ZNF429: variants seen among roughly 807,000 people sequenced by gnomAD.
ZNF429 encodes zinc finger protein 429.
A neutral mutation model predicts 56.8 loss-of-function variants in ZNF429; 53 were observed. The ratio of observed to expected loss-of-function variants is 0.93; its 90% CI spans 0.75 to 1.17. The LOEUF (loss-of-function observed/expected upper bound fraction) is 1.17. Ranked by LOEUF, ZNF429 falls within the 50% of genes most tolerant of loss-of-function variation. ZNF429 has a pLI of 0.00. For missense variants in ZNF429, 849 were observed against 788.4 expected, an observed-to-expected ratio of 1.08 and a Z score of -0.92; for synonymous variants, 278 against 264.7, an observed-to-expected ratio of 1.05 and a Z score of -0.49.
chr19:21,532,318 T>A, intron 3 of ZNF429, among the ~76,000 whole-genome samples: 4 of 151,806 alleles, frequency 2.6e-5, no homozygotes, highest in African/African-American at 9.7e-5. Context: ...GCCAAAGCAA[T>A]CTTGAGGAAA....
intron 1 of ZNF429, among the ~76,000 whole-genome samples, chr19:21,511,832 T>C (rs528163222): frequency 1.3e-5 from 2 of 152,172 alleles, no homozygotes; most frequent in Admixed American, 6.5e-5. Flanking sequence ...CCCGGCACCT[T>C]GGGAGGCTGA....
chr19:21,517,003 T>A (rs184622053), intron 1 of ZNF429, among the ~76,000 whole-genome samples: 72 of 139,802 alleles, frequency 5.2e-4, no homozygotes, highest in Middle Eastern at 3.6e-3. Flanking sequence ...GTGAGAGAAG[T>A]CATCCTTTTC....
intron 2 of ZNF429, among the ~76,000 whole-genome samples, chr19:21,530,073 C>T: frequency 1.3e-5 from 2 of 151,976 alleles, no homozygotes; most frequent in Non-Finnish European, 2.9e-5. Context: ...CACCTGTAGT[C>T]CCAGCTACTC....
intron 3 of ZNF429, among the ~76,000 whole-genome samples, chr19:21,535,414 T>C: frequency 5.5e-4 from 1 of 1,828 alleles, no homozygotes; most frequent in African/African-American, 2.5e-3. Flanking sequence ...TCTTTTTCTT[T>C]TCTTTCTTTC....
chr19:21,535,401 CT>C, intron 3 of ZNF429, among the ~76,000 whole-genome samples: 1 of 26,396 alleles, frequency 3.8e-5, no homozygotes, highest in Non-Finnish European at 6.6e-5. Context: ...TTCTTTCTTT[CT>C]TTCTTTTTCT....
In ZNF429 at chr19:21,537,512, G is replaced by T; in HGVS notation, c.1459G>T (p.Gly487Cys). The T allele has an allele frequency of 6.2e-7, 1 of 1,613,744 alleles. No individual in the cohort carries two copies. The highest frequency in any genetic ancestry group is 1.7e-5 in the Admixed American group (1 of 60,012). ...GEKPYKCEEC[G>C]KAFKQSSNLN... ...GAAACCCTACAAATGTGAAGAATGTGGCAAAGCCTTTAAGCAGTCCTCAAA... is the reference window on the plus strand; with the variant it reads ...GAAACCCTACAAATGTGAAGAATGTTGCAAAGCCTTTAAGCAGTCCTCAAA... Residue 487 changes from glycine to cysteine, a missense_variant, in exon 4 of 4, where the codon GGC (glycine) becomes TGC (cysteine). Physicochemically the swap from Gly to Cys is radical, Grantham distance 159. Coordinates refer to ENST00000358491, the MANE Select transcript of ZNF429 (RefSeq NM_001001415.4).
At chr19:21,514,530 A>T (rs1371332442) in intron 1 of ZNF429, among the ~76,000 whole-genome samples, 1 of 151,944 alleles carries the variant, frequency 6.6e-6, no homozygotes, top group Admixed American at 6.6e-5. Flanking sequence ...TTTTTTAAAT[A>T]ACCACACAGC....
At chr19:21,514,621 A>G (rs2562441) in intron 1 of ZNF429, among the ~76,000 whole-genome samples, 29,816 of 151,928 alleles carry the variant, frequency 0.2, 3,007 homozygotes, top group African/African-American at 0.22. Context: ...TTTTTGAGAT[A>G]GAGTCTAGGT....
At chr19:21,535,730 G>A in intron 3 of ZNF429, among the ~76,000 whole-genome samples, 7 of 151,854 alleles carry the variant, frequency 4.6e-5, no homozygotes, top group Admixed American at 3.3e-4. Flanking sequence ...TGGCCAGGCT[G>A]GTTTCGAACT....
intron 1 of ZNF429, among the ~76,000 whole-genome samples, chr19:21,522,799 GAC>G (rs1241058423): frequency 6.6e-6 from 1 of 151,858 alleles, no homozygotes; most frequent in South Asian, 2.1e-4. Flanking sequence ...TGGAGGCCGA[GAC>G]AGGAGAATTG....
At chr19:21,532,269 A>G in intron 3 of ZNF429, among the ~76,000 whole-genome samples, 1 of 151,982 alleles carries the variant, frequency 6.6e-6, no homozygotes, top group Admixed American at 6.6e-5. Context: ...CAGAAATGCA[A>G]TTTTAAAATT....
chr19:21,533,638 A>G lies in ZNF429; in HGVS notation c.227-2642A>G. ...TGTATATGGTTCAAGGAAAGGACCC[A>G]ACTTTATTTTACCAGTGTTTCTTTT... On this transcript the variant is annotated intron_variant, in intron 3 of 3. Transcript: ENST00000358491. 2.0e-5 allele frequency among the ~76,000 whole-genome samples: 3 copies of G among 151,630 alleles called. No homozygotes were observed. The East Asian group carries it at 5.8e-4, about 29-fold the overall frequency.
intron 1 of ZNF429, among the ~76,000 whole-genome samples, chr19:21,521,054 A>T (rs1397038748): frequency 6.6e-6 from 1 of 152,246 alleles, no homozygotes; most frequent in Non-Finnish European, 1.5e-5. Context: ...TGACTAGTAC[A>T]CAAAAATTAT....
In ZNF429 at chr19:21,537,925, A is replaced by C; in HGVS notation, c.1872A>C (p.Glu624Asp). 1.9e-6 allele frequency: 3 copies of C among 1,614,038 alleles called. No individual in the cohort carries two copies. The highest frequency in any genetic ancestry group is 2.5e-6 in the Non-Finnish European group (3 of 1,179,964). The change falls in exon 4 of 4, where the codon GAA becomes GAC. Residue 624 changes from glutamate to aspartate, a missense_variant. Physicochemically the swap from Glu to Asp is conservative, Grantham distance 45. Transcript: ENST00000358491. The stretch of plus-strand genomic sequence containing the variant: ...CTAGAGAGAAACCTTACAAATGTGA[A>C]GAATGTGCCAAAGCTTTTACCCGGT... ...IHTREKPYKCEECAKAFTRSS... is the reference protein window; with the variant it reads ...IHTREKPYKCDECAKAFTRSS...
chr19:21,520,650 A>C (rs1433297085), intron 1 of ZNF429, among the ~76,000 whole-genome samples: 1 of 152,176 alleles, frequency 6.6e-6, no homozygotes, highest in Non-Finnish European at 1.5e-5. Context: ...GAGTACACAA[A>C]AGTTGAGCAC....
At chr19:21,512,170 C>T (rs2032514928) in intron 1 of ZNF429, among the ~76,000 whole-genome samples, 1 of 152,076 alleles carries the variant, frequency 6.6e-6, no homozygotes, top group South Asian at 2.1e-4. Flanking sequence ...CCTTTTTAGA[C>T]CATACAGAGT....
chr19:21,511,340 G>A (rs1273100342), intron 1 of ZNF429, among the ~76,000 whole-genome samples: 1 of 151,732 alleles, frequency 6.6e-6, no homozygotes. Flanking sequence ...GCCAGGCGGA[G>A]GGTCTCCTCA....
Position 21,537,039 on chromosome 19 carries a change from C to G in ZNF429, c.986C>G (p.Thr329Ser), listed in dbSNP as rs201243034. The G allele has an allele frequency of 5.6e-6, 9 of 1,613,350 alleles. No individual in the cohort carries two copies. Among genetic ancestry groups the G allele is most frequent in the Non-Finnish European group, 7.6e-6 (9 of 1,179,942 alleles). ...GCCTTTAACCGGTCCTCAACCCTTA[C>G]TAGCCATAAGAGAATACATACTGGT... ...GKAFNRSSTL[T>S]SHKRIHTGEK... The change falls in exon 4 of 4, where the codon ACT becomes AGT. Residue 329 changes from threonine to serine, a missense_variant. Thr to Ser is a moderately conservative substitution (Grantham distance 58, BLOSUM62 1). Transcript: ENST00000358491.
At chr19:21,515,844 ATTC>A (rs200113932) in intron 1 of ZNF429, among the ~76,000 whole-genome samples, 12 of 152,048 alleles carry the variant, frequency 7.9e-5, no homozygotes, top group East Asian at 3.9e-4. Context: ...TAAACAGAAA[ATTC>A]TTCTTACGTT....
Sources: gnomAD v4.1 joint callset for allele counts (sites outside exome capture counted in the v4.1 genomes callset) on GRCh38, gnomAD v4.1.1 for gene constraint, MANE v1.5 for transcripts, NCBI Gene and HGNC (gene_info 2026-07-23, HGNC 2026-07-21) for gene names.